Variants in REDIC1 observed in about 807,000 individuals in gnomAD.
REDIC1 encodes regulator of DNA class I crossover intermediates 1.
At chr12:39,712,103 T>G in the REDIC1 span, among the ~76,000 whole-genome samples, 21 of 115,376 alleles carry the variant, frequency 1.8e-4, no homozygotes, top group East Asian at 1.2e-3. Context: ...CATATATACC[T>G]GTATATATAC....
the REDIC1 span, among the ~76,000 whole-genome samples, chr12:39,896,465 T>TACATATATGTATGTGTGTATATATGTAC: frequency 7.1e-6 from 1 of 141,492 alleles, no homozygotes; most frequent in Non-Finnish European, 1.5e-5. Context: ...TATATATGTA[T>TACATATATGTATGTGTGTATATATGTAC]ACATATATGT....
chr12:39,692,235 G>T, the REDIC1 span: 1 of 932,190 alleles, frequency 1.1e-6, no homozygotes, highest in Non-Finnish European at 1.5e-6. Context: ...GGATATTTTA[G>T]TACTACTAAT....
chr12:39,713,033 GTATATATACATGTGTATATACGTGTA>G, the REDIC1 span, among the ~76,000 whole-genome samples: 476 of 137,402 alleles, frequency 3.5e-3, 7 homozygotes, highest in African/African-American at 0.013. Flanking sequence ...ACGTGTATAT[GTATATATACATGTGTATATACGTGTA>G]TATGTGTATA....
At chr12:39,693,275 C>A in the REDIC1 span, among the ~76,000 whole-genome samples, 1 of 151,964 alleles carries the variant, frequency 6.6e-6, no homozygotes, top group Admixed American at 6.6e-5. Context: ...TTTAGGTATT[C>A]TATGCTAGCA....
chr12:39,887,459 C>G, the REDIC1 span, among the ~76,000 whole-genome samples: 1 of 151,928 alleles, frequency 6.6e-6, no homozygotes, highest in South Asian at 2.1e-4. Flanking sequence ...AGCAGGCTTA[C>G]AGTGGAATGT....
At chr12:39,854,127 T>C in the REDIC1 span, among the ~76,000 whole-genome samples, 1 of 151,824 alleles carries the variant, frequency 6.6e-6, no homozygotes, top group Non-Finnish European at 1.5e-5. Context: ...GGCCATTAGC[T>C]TGACTAAGGG....
the REDIC1 span, among the ~76,000 whole-genome samples, chr12:39,810,897 C>A: frequency 6.6e-6 from 1 of 152,104 alleles, no homozygotes; most frequent in South Asian, 2.1e-4. Flanking sequence ...TTCTTTCTTG[C>A]AGTTTCTGGA....
chr12:39,684,972 AT>A, the REDIC1 span: 1 of 1,357,774 alleles, frequency 7.4e-7, no homozygotes, highest in South Asian at 1.2e-5. Context: ...GTCAGTTTGT[AT>A]TACCATATCA....
At chr12:39,882,890 ATATTTC>A in the REDIC1 span, among the ~76,000 whole-genome samples, 9 of 152,294 alleles carry the variant, frequency 5.9e-5, no homozygotes, top group South Asian at 1.5e-3. Context: ...GATATACATC[ATATTTC>A]TATTTCTATC....
At chr12:39,665,603 T>C in the REDIC1 span, among the ~76,000 whole-genome samples, 3 of 150,664 alleles carry the variant, frequency 2.0e-5, no homozygotes, top group Non-Finnish European at 3.0e-5. Context: ...TTTCCAATTC[T>C]GTGAAGAAAG....
chr12:39,779,049 A>G, the REDIC1 span, among the ~76,000 whole-genome samples: 1 of 152,124 alleles, frequency 6.6e-6, no homozygotes, highest in Non-Finnish European at 1.5e-5. Context: ...AATATGAGAC[A>G]CTTTCCCCCA....
the REDIC1 span, among the ~76,000 whole-genome samples, chr12:39,802,902 AAT>A: frequency 2.6e-5 from 4 of 152,298 alleles, no homozygotes; most frequent in African/African-American, 9.6e-5. Flanking sequence ...ATCAAAATAA[AAT>A]ATGTCATAGG....
the REDIC1 span, among the ~76,000 whole-genome samples, chr12:39,783,292 C>T: frequency 3.4e-3 from 518 of 152,298 alleles, 7 homozygotes; most frequent in African/African-American, 0.012. Flanking sequence ...TGGGTTGGTT[C>T]CAAGTCTTTG....
At chr12:39,825,545 A>G in the REDIC1 span, among the ~76,000 whole-genome samples, 104,386 of 151,974 alleles carry the variant, frequency 0.69, 36,371 homozygotes, top group African/African-American at 0.79. Context: ...GAGGTTCGGA[A>G]TTGGTTCTGG....
chr12:39,688,331 G>A, the REDIC1 span, among the ~76,000 whole-genome samples: 2 of 152,198 alleles, frequency 1.3e-5, no homozygotes, highest in Admixed American at 6.5e-5. Context: ...ATGTGATGGA[G>A]GAGGTAACTT....
chr12:39,744,707 AAATAT>A, the REDIC1 span, among the ~76,000 whole-genome samples: 2 of 152,236 alleles, frequency 1.3e-5, no homozygotes, highest in South Asian at 2.1e-4. Flanking sequence ...GTAAATAAAT[AAATAT>A]AACACTAGGA....
At chr12:39,711,491 A>G in the REDIC1 span, among the ~76,000 whole-genome samples, 10 of 143,822 alleles carry the variant, frequency 7.0e-5, no homozygotes, top group East Asian at 4.1e-4. Context: ...GTATATATGT[A>G]TATAAGTATG....
chr12:39,662,520 CT>C, the REDIC1 span, among the ~76,000 whole-genome samples: 130,806 of 150,926 alleles, frequency 0.87, 56,873 homozygotes, highest in African/African-American at 0.92. Flanking sequence ...AATCTAAGAG[CT>C]TTTTTTTTTG....
chr12:39,823,743 C>A, the REDIC1 span, among the ~76,000 whole-genome samples: 1 of 152,178 alleles, frequency 6.6e-6, no homozygotes. Context: ...GCCACCTCAC[C>A]TGGCTTCTTC....
Sources: allele counts gnomAD v4.1 joint callset (sites outside exome capture counted in the v4.1 genomes callset), GRCh38; gene constraint gnomAD v4.1.1; transcripts MANE v1.5; gene names NCBI Gene and HGNC (gene_info 2026-07-23, HGNC 2026-07-21).